SIPA1L2: variants seen among roughly 807,000 people sequenced by gnomAD.
SIPA1L2 encodes signal induced proliferation associated 1 like 2, also known as signal-induced proliferation-associated 1-like protein 2.
A neutral mutation model predicts 163.9 loss-of-function variants in SIPA1L2; 56 were observed. That is an observed-to-expected ratio of 0.34 (90% confidence interval 0.28 to 0.43). The LOEUF (loss-of-function observed/expected upper bound fraction) is 0.43. SIPA1L2 is among the 20% of genes least tolerant of loss of function. SIPA1L2 has a pLI of 1.00. For missense variants in SIPA1L2, 1,974 were observed against 2,193.5 expected, an observed-to-expected ratio of 0.90 and a Z score of 2.00; for synonymous variants, 877 against 865.7, an observed-to-expected ratio of 1.01 and a Z score of -0.23.
chr1:232,451,073 T>C (rs545935035), intron 10 of SIPA1L2, among the ~76,000 whole-genome samples: 48 of 152,362 alleles, frequency 3.2e-4, no homozygotes, highest in African/African-American at 9.6e-4. Flanking sequence ...GTGACACTTT[T>C]ACAGCAACTA....
At chr1:232,540,398 A>G (rs1415076257) in intron 2 of SIPA1L2, among the ~76,000 whole-genome samples, 2 of 152,152 alleles carry the variant, frequency 1.3e-5, no homozygotes, top group Admixed American at 1.3e-4. Context: ...TGGAGTATTC[A>G]TTTCACTGAG....
At chr1:232,549,398 A>G (rs1558261621) in intron 2 of SIPA1L2, among the ~76,000 whole-genome samples, 1 of 152,220 alleles carries the variant, frequency 6.6e-6, no homozygotes, top group Non-Finnish European at 1.5e-5. Flanking sequence ...CCCAAAGAGG[A>G]GATCTGAAAG....
In SIPA1L2 at chr1:232,479,741, A is replaced by G. The variant is rs367732072; in HGVS notation, c.1982-11T>C. On this transcript the variant is annotated splice_polypyrimidine_tract_variant and intron_variant, in intron 6 of 22. Coordinates refer to ENST00000674635, the MANE Select transcript of SIPA1L2 (RefSeq NM_020808.5). The stretch of plus-strand genomic sequence containing the variant: ...TGCCCGTGGAATCAGCTGAAAACAA[A>G]GATGAATTACAGAAGCAAGGTAAGC... 1.9e-6 allele frequency: 3 copies of G among 1,608,942 alleles called. No individual in the cohort carries two copies. Among genetic ancestry groups the G allele is most frequent in the Non-Finnish European group, 1.7e-6 (2 of 1,175,684 alleles).
chr1:232,449,512 C>T (rs1238549340), intron 10 of SIPA1L2, among the ~76,000 whole-genome samples: 9 of 126,454 alleles, frequency 7.1e-5, no homozygotes, highest in East Asian at 4.7e-4. Context: ...AGCGAGACTC[C>T]GTCTCAAAAA....
chr1:232,415,733 G>C, intron 18 of SIPA1L2, 108 bp from the exon 19 acceptor site: 1 of 1,477,556 alleles, frequency 6.8e-7, no homozygotes, highest in Non-Finnish European at 9.3e-7. Flanking sequence ...CAGTCAGTCA[G>C]AACACGGGCA....
chr1:232,410,445 A>G lies in SIPA1L2; in HGVS notation c.4762+5049T>C, dbSNP rs117086993. On this transcript the variant is annotated intron_variant, in intron 19 of 22. Coordinates refer to ENST00000674635, the MANE Select transcript of SIPA1L2 (RefSeq NM_020808.5). The stretch of plus-strand genomic sequence containing the variant: ...AATTTCATCTAAGCTTTCTCATACT[A>G]ATATTAAAGACTGAGATTGTCTTAT... 9.3e-4 allele frequency among the ~76,000 whole-genome samples: 142 copies of G among 152,218 alleles called. No individual in the cohort carries two copies. The East Asian group carries it at 0.025, about 27-fold the overall frequency.
intron 2 of SIPA1L2, among the ~76,000 whole-genome samples, chr1:232,516,976 A>G (rs775914244): frequency 3.3e-5 from 5 of 152,212 alleles, no homozygotes; most frequent in Non-Finnish European, 7.3e-5. Context: ...GAAAGAATAA[A>G]TTCAAAGAAA....
chr1:232,612,122 T>C (rs1269730346), intron 1 of SIPA1L2, among the ~76,000 whole-genome samples: 1 of 152,110 alleles, frequency 6.6e-6, no homozygotes, highest in African/African-American at 2.4e-5. Context: ...AGCTCACGAG[T>C]GCACAGAAGT....
chr1:232,410,977 T>C (rs1309339247), intron 19 of SIPA1L2, among the ~76,000 whole-genome samples: 2 of 152,206 alleles, frequency 1.3e-5, no homozygotes, highest in Non-Finnish European at 1.5e-5. Flanking sequence ...AGTGATCAAG[T>C]GCATCATCTT....
rs574342209 is a variant in SIPA1L2, at chr1:232,574,824, A to G, written c.-318-602T>C. ...CTTTTAATGATAATGGCGATGGTCA[A>G]TATTAGGTATGCAGTGCTACGTACT... On this transcript the variant is annotated intron_variant, in intron 1 of 22. Coordinates refer to ENST00000674635, the MANE Select transcript of SIPA1L2 (RefSeq NM_020808.5). Among the ~76,000 whole-genome samples, 6 of 152,318 alleles carry G rather than the reference A, an allele frequency of 3.9e-5. No individual in the cohort carries two copies. The South Asian group carries it at 1.0e-3, about 26-fold the overall frequency.
At chr1:232,501,182 T>G (rs998949135) in intron 3 of SIPA1L2, among the ~76,000 whole-genome samples, 2 of 150,480 alleles carry the variant, frequency 1.3e-5, no homozygotes, top group African/African-American at 4.9e-5. Context: ...CTCAGCCTCC[T>G]GAGTAGCTGG....
rs1662881022 is a variant in SIPA1L2 at position 232,441,344 on chromosome 1, T to C, written c.3589A>G (p.Arg1197Gly). The part of the protein sequence containing the change: ...PSKVLGSYKE[R>G]ALQKDGSCKD... ...CAACTTCCATCTTTCTGCAGAGCTC[T>C]TTCTTTATAGGAACCCAGGACTTTG... is the stretch of plus-strand genomic sequence containing the variant. The change falls in exon 14 of 23, where the codon AGA becomes GGA. Residue 1197 changes from arginine to glycine, a missense_variant. Physicochemically the swap from Arg to Gly is moderately radical, Grantham distance 125. Transcript: ENST00000674635. 18 of 1,595,940 alleles carry C rather than the reference T, an allele frequency of 1.1e-5. No homozygotes were observed. Among genetic ancestry groups the C allele is most frequent in the Non-Finnish European group, 1.4e-5 (17 of 1,175,962 alleles).
At chr1:232,466,780 G>A (rs1442634249) in intron 8 of SIPA1L2, among the ~76,000 whole-genome samples, 1 of 152,096 alleles carries the variant, frequency 6.6e-6, no homozygotes, top group Non-Finnish European at 1.5e-5. Context: ...GACAAAGCAA[G>A]ACTCCGTCTC....
chr1:232,563,954 T>C (rs936141076), intron 2 of SIPA1L2, among the ~76,000 whole-genome samples: 2 of 130,128 alleles, frequency 1.5e-5, no homozygotes, highest in East Asian at 2.1e-4. Flanking sequence ...GTTTTTTTTT[T>C]TCGTGTGTGT....
At position 232,514,142 on chromosome 1, in the gene SIPA1L2, C is replaced by T. The variant is rs750935889; in HGVS notation, c.1198G>A (p.Gly400Arg). Residue 400 changes from glycine to arginine, a missense_variant, in exon 3 of 23, where the codon GGG becomes AGG. By Grantham distance (125) the Gly-to-Arg change is moderately radical. Around this residue, in one of 3 missense-constraint regions of SIPA1L2, gnomAD observed 607 missense variants for 624.0 expected, o/e 0.97. Transcript: ENST00000674635. ...KENLDADEGDGKSNDLVLSCP... is the reference protein window; with the variant it reads ...KENLDADEGDRKSNDLVLSCP... Reference sequence around the variant, plus strand: ...CTAAGGACGAGGTCGTTACTTTTCCCATCACCCTCATCGGCATCCAGGTTC... The same window carrying T: ...CTAAGGACGAGGTCGTTACTTTTCCTATCACCCTCATCGGCATCCAGGTTC... The T allele has an allele frequency of 2.5e-6, 4 of 1,614,104 alleles. No individual in the cohort carries two copies. In the African/African-American group the frequency reaches 4.0e-5, roughly 16 times the overall value.
chr1:232,420,707 T>C (rs1038569706), intron 18 of SIPA1L2, among the ~76,000 whole-genome samples: 10 of 152,054 alleles, frequency 6.6e-5, no homozygotes, highest in African/African-American at 9.7e-5. Context: ...CGGTGGTGGA[T>C]GCCTGTAGTC....
chr1:232,595,464 G>A (rs1244092028), intron 1 of SIPA1L2, among the ~76,000 whole-genome samples: 1 of 152,006 alleles, frequency 6.6e-6, no homozygotes, highest in Non-Finnish European at 1.5e-5. Flanking sequence ...GTCACTGCTG[G>A]GCTGTCACTG....
At chr1:232,410,696 C>G (rs12046892) in intron 19 of SIPA1L2, among the ~76,000 whole-genome samples, 9,898 of 152,082 alleles carry the variant, frequency 0.065, 908 homozygotes, top group East Asian at 0.48. Flanking sequence ...GGCCTTTGAC[C>G]GTTTCTTATG....
At chr1:232,447,571 G>A (rs1572910935) in intron 10 of SIPA1L2, among the ~76,000 whole-genome samples, 1 of 152,256 alleles carries the variant, frequency 6.6e-6, no homozygotes, top group African/African-American at 2.4e-5. Flanking sequence ...ACTGAAGGAA[G>A]GCACCTTTCT....
Sources: gnomAD v4.1 joint callset for allele counts (sites outside exome capture counted in the v4.1 genomes callset) on GRCh38, gnomAD v4.1.1 for gene constraint, gnomAD v4.1.1 regional missense constraint, MANE v1.5 for transcripts, NCBI Gene and HGNC (gene_info 2026-07-23, HGNC 2026-07-21) for gene names.